MYO5A: variants seen among roughly 807,000 people sequenced by gnomAD.
The protein encoded by MYO5A is unconventional myosin-Va.
Under a neutral mutation model 249.7 loss-of-function variants are expected in MYO5A, and 98 were observed. The observed-to-expected ratio is 0.39, with a 90% confidence interval of 0.33 to 0.46. The LOEUF is 0.46. Among genes scored for constraint, MYO5A ranks in the 20% least tolerant of loss-of-function variants. The probability of loss-of-function intolerance (pLI) is 0.98; values close to 1 mark genes in which losing one functional copy is unlikely to be tolerated. For synonymous variants in MYO5A, 778 were observed against 810.6 expected, an observed-to-expected ratio of 0.96 and a Z score of 0.68; for missense variants, 1,696 against 2,308.8, an observed-to-expected ratio of 0.73 and a Z score of 5.44.
intron 38 of MYO5A, among the ~76,000 whole-genome samples, chr15:52,320,058 C>T (rs1024456854): frequency 3.6e-4 from 55 of 152,082 alleles, no homozygotes; most frequent in Non-Finnish European, 7.1e-4. Flanking sequence ...TTGGAGAAAA[C>T]GTGGGAGAGG....
chr15:52,428,585 G>C lies in MYO5A; in HGVS notation c.139-16C>G. ...ATTCCAAATCCTGAAAATGCACAAG[G>C]CACAGCATCTGGATGAATTATGGCA... On this transcript the variant is annotated splice_polypyrimidine_tract_variant and intron_variant, in intron 2 of 41. Transcript: ENST00000399233. 6.2e-7 allele frequency: 1 copy of C among 1,613,788 alleles called. No homozygotes were observed. The highest frequency in any genetic ancestry group is 8.5e-7 in the Non-Finnish European group (1 of 1,179,736).
At chr15:52,519,241 G>A (rs1305379224) in intron 1 of MYO5A, among the ~76,000 whole-genome samples, 2 of 152,172 alleles carry the variant, frequency 1.3e-5, no homozygotes, top group East Asian at 1.9e-4. Context: ...AAGAAAATAG[G>A]GGAAATAAAA....
At chr15:52,527,955 G>A (rs1453707440) in intron 1 of MYO5A, among the ~76,000 whole-genome samples, 3 of 152,148 alleles carry the variant, frequency 2.0e-5, no homozygotes, top group African/African-American at 7.2e-5. Flanking sequence ...ATTCACAAAG[G>A]TCATCACAAA....
chr15:52,329,708 C>T (rs1270040671), intron 35 of MYO5A, among the ~76,000 whole-genome samples: 1 of 152,142 alleles, frequency 6.6e-6, no homozygotes, highest in Non-Finnish European at 1.5e-5. Flanking sequence ...CAGTTGTGCT[C>T]AACTGTGGTT....
At chr15:52,338,463 T>C (rs952358196) in intron 32 of MYO5A, among the ~76,000 whole-genome samples, 1 of 152,098 alleles carries the variant, frequency 6.6e-6, no homozygotes, top group Admixed American at 6.6e-5. Context: ...AGGTAGAGTT[T>C]CAAGAGCACT....
At chr15:52,324,154 T>A (rs2038480356) in intron 36 of MYO5A, among the ~76,000 whole-genome samples, 1 of 151,334 alleles carries the variant, frequency 6.6e-6, no homozygotes, top group South Asian at 2.1e-4. Context: ...TGAAAAAGAA[T>A]TTGAAGCACT....
chr15:52,436,908 TG>T (rs2075676200), intron 1 of MYO5A, among the ~76,000 whole-genome samples: 1 of 152,224 alleles, frequency 6.6e-6, no homozygotes, highest in African/African-American at 2.4e-5. Context: ...GGCCACCAGA[TG>T]GGCCTTGGCC....
Position 52,319,093 on chromosome 15 carries a change from T to C in MYO5A, c.5201A>G (p.Asp1734Gly). ...ITLNNLLLRK[D>G]MCSWSKGMQI... ...CATGCCTTTACTCCAGGAGCACATGTCCTTCCGCAGGAGAAGGTTGTTCAG... is the reference window on the plus strand; with the variant it reads ...CATGCCTTTACTCCAGGAGCACATGCCCTTCCGCAGGAGAAGGTTGTTCAG... Residue 1734 changes from aspartate (D) to glycine (G), a missense_variant, in exon 39 of 42, where the codon GAC (aspartate) becomes GGC (glycine). Physicochemically the swap from Asp to Gly is moderately conservative, Grantham distance 94. Coordinates refer to ENST00000399233, the MANE Select transcript of MYO5A (RefSeq NM_001382347.1). 6.2e-7 allele frequency: 1 copy of C among 1,614,202 alleles called. No homozygotes were observed. Among genetic ancestry groups the C allele is most frequent in the Non-Finnish European group, 8.5e-7 (1 of 1,180,036 alleles).
At chr15:52,450,542 G>A (rs929259640) in intron 1 of MYO5A, among the ~76,000 whole-genome samples, 3 of 151,658 alleles carry the variant, frequency 2.0e-5, no homozygotes, top group Non-Finnish European at 2.9e-5. Flanking sequence ...GGTGGTGCAC[G>A]CCTGTAGTCC....
At chr15:52,446,431 T>G (rs1305690527) in intron 1 of MYO5A, among the ~76,000 whole-genome samples, 1 of 152,232 alleles carries the variant, frequency 6.6e-6, no homozygotes, top group Non-Finnish European at 1.5e-5. Flanking sequence ...TTTCAGAGGA[T>G]GTATGAGAAA....
At chr15:52,466,331 G>A (rs2076352284) in intron 1 of MYO5A, among the ~76,000 whole-genome samples, 2 of 152,110 alleles carry the variant, frequency 1.3e-5, no homozygotes, top group Non-Finnish European at 2.9e-5. Flanking sequence ...TGTGGTATGG[G>A]CTCCAGCTGC....
intron 33 of MYO5A, 135 bp downstream of exon 33, chr15:52,337,675 C>G: frequency 1.7e-6 from 1 of 592,162 alleles, no homozygotes. Flanking sequence ...TAAAAGACAG[C>G]TGTGGGGAGA....
At chr15:52,326,132 G>A (rs1023970930) in intron 36 of MYO5A, among the ~76,000 whole-genome samples, 1 of 152,156 alleles carries the variant, frequency 6.6e-6, no homozygotes, top group Non-Finnish European at 1.5e-5. Flanking sequence ...ACAAACATAC[G>A]ATTCAAAACT....
In MYO5A at chr15:52,515,286, A is replaced by AAAAAG. The variant is rs5812612; in HGVS notation, c.27+13493_27+13494insCTTTT. 1.4e-4 allele frequency among the ~76,000 whole-genome samples: 21 copies of AAAAAG among 147,940 alleles called. 1 individual carries two copies. Among genetic ancestry groups the AAAAAG allele is most frequent in the Admixed American group, 7.5e-4 (11 of 14,698 alleles). ...AGCAAGACCCTGTCTCAAGAAAAAAAAAAGAAAGAAAGAAAGAAAAAAAAG... is the reference window on the plus strand; with the variant it reads ...AGCAAGACCCTGTCTCAAGAAAAAAAAAAAGAAAGAAAGAAAGAAAGAAAAAAAAG... On this transcript the variant is annotated intron_variant, in intron 1 of 41. Transcript: ENST00000399233.
chr15:52,348,916 T>C, intron 28 of MYO5A, 90 bp from the exon 29 acceptor site: 4 of 1,380,794 alleles, frequency 2.9e-6, no homozygotes, highest in Non-Finnish European at 3.0e-6. Flanking sequence ...GTTCCTATTA[T>C]AACAGATAAA....
intron 1 of MYO5A, among the ~76,000 whole-genome samples, chr15:52,481,794 G>A (rs2076720305): frequency 6.6e-6 from 1 of 152,082 alleles, no homozygotes; most frequent in Non-Finnish European, 1.5e-5. Flanking sequence ...AGATTCCCAG[G>A]GCTCAGATCA....
intron 22 of MYO5A, 143 bp downstream of exon 22, chr15:52,370,026 A>C (rs2041022901): frequency 2.7e-6 from 3 of 1,096,958 alleles, no homozygotes; most frequent in East Asian, 4.7e-5. Flanking sequence ...AATGCTTGGG[A>C]AACAGTAATA....
chr15:52,416,439 G>A, intron 4 of MYO5A, 138 bp from the exon 5 acceptor site: 1 of 819,640 alleles, frequency 1.2e-6, no homozygotes, highest in South Asian at 1.6e-5. Context: ...TAACACCAAG[G>A]TCTCAGGTTC....
intron 9 of MYO5A, among the ~76,000 whole-genome samples, chr15:52,398,341 C>T (rs1277381380): frequency 6.6e-6 from 1 of 152,080 alleles, no homozygotes; most frequent in Non-Finnish European, 1.5e-5. Context: ...TAATTTAATC[C>T]ATGTTAGTAC....
Sources: gnomAD v4.1 joint callset for allele counts (sites outside exome capture counted in the v4.1 genomes callset) on GRCh38, gnomAD v4.1.1 for gene constraint, MANE v1.5 for transcripts, NCBI Gene and HGNC (gene_info 2026-07-23, HGNC 2026-07-21) for gene names.